Variants in INA observed in about 807,000 individuals in gnomAD.
The protein encoded by INA is internexin neuronal intermediate filament protein alpha.
Under a neutral mutation model 40.1 loss-of-function variants are expected in INA, and 35 were observed. That is an observed-to-expected ratio of 0.87 (90% CI 0.67 to 1.16). The LOEUF (loss-of-function observed/expected upper bound fraction) is 1.16, where lower values mean the gene tolerates loss of function less well. Ranked by LOEUF, INA falls within the 50% of genes most tolerant of loss-of-function variation. The probability of loss-of-function intolerance (pLI) is 0.00; values close to 1 mark genes in which losing one functional copy is unlikely to be tolerated. For synonymous variants in INA, 290 were observed against 316.9 expected, an observed-to-expected ratio of 0.92 and a Z score of 0.90; for missense variants, 594 against 686.7, an observed-to-expected ratio of 0.87 and a Z score of 1.51.
chr10:103,287,753 G>C (rs978827760), intron 2 of INA, among the ~76,000 whole-genome samples: 12 of 147,688 alleles, frequency 8.1e-5, no homozygotes, highest in Admixed American at 4.7e-4. Flanking sequence ...AAAAAAAAAA[G>C]GATAATTAAA....
At chr10:103,285,986 GCCT>G (rs2093085150) in intron 1 of INA, among the ~76,000 whole-genome samples, 1 of 151,914 alleles carries the variant, frequency 6.6e-6, no homozygotes, top group Non-Finnish European at 1.5e-5. Context: ...GAAATAACAA[GCCT>G]GAAGGGCCTG....
In INA at chr10:103,277,736, G is replaced by A. The variant is rs955642421; in HGVS notation, c.525G>A (p.Val175=). The A allele has an allele frequency of 4.2e-6, 6 of 1,417,302 alleles. No individual in the cohort carries two copies. The highest frequency in any genetic ancestry group is 5.5e-6 in the Non-Finnish European group (6 of 1,098,864). The allele number at this position is 1,417,302 out of a possible 1,614,324, so 87.8% of individuals were successfully genotyped here. A position where few individuals can be genotyped will look rare whatever the true frequency, so the allele number is the denominator to read the frequency against. The change falls in exon 1 of 3, where the codon GTG becomes GTA. Residue 175 remains valine, a synonymous_variant. Transcript: ENST00000369849. The surrounding 1 kb of genome is among the most constrained non-coding windows in gnomAD (Gnocchi z 5.6). ...LLERDGLAEE[V]QRLRARCEEE... is the part of the protein sequence containing the mutation. Reference sequence around the variant, plus strand: ...AGCGCGACGGGCTGGCGGAGGAGGTGCAGCGGCTGCGGGCGCGCTGCGAGG... The same window carrying A: ...AGCGCGACGGGCTGGCGGAGGAGGTACAGCGGCTGCGGGCGCGCTGCGAGG...
At chr10:103,283,442 A>G (rs1211006657) in intron 1 of INA, among the ~76,000 whole-genome samples, 2 of 152,162 alleles carry the variant, frequency 1.3e-5, no homozygotes, top group Non-Finnish European at 2.9e-5. Context: ...ATCTCTTAAC[A>G]CACTTTGAAA....
chr10:103,286,648 G>A (rs2093086811), intron 1 of INA, among the ~76,000 whole-genome samples: 1 of 151,460 alleles, frequency 6.6e-6, no homozygotes, highest in Admixed American at 6.6e-5. Flanking sequence ...TGCTACAACA[G>A]AGTTATTTAG....
At chr10:103,284,478 G>A (rs761618513) in intron 1 of INA, among the ~76,000 whole-genome samples, 13 of 152,164 alleles carry the variant, frequency 8.5e-5, no homozygotes, top group Non-Finnish European at 1.5e-4. Flanking sequence ...TGCCGGGGCC[G>A]GACACTGTGA....
At chr10:103,281,437 G>C (rs1486412464) in intron 1 of INA, among the ~76,000 whole-genome samples, 1 of 152,182 alleles carries the variant, frequency 6.6e-6, no homozygotes, top group Admixed American at 6.5e-5. Flanking sequence ...TTCAATAAAA[G>C]TGCTGCATCC....
chr10:103,288,621 C>T lies in INA; in HGVS notation c.1452C>T (p.Thr484=), dbSNP rs190315547. ...AGACAGTAATATCTACTAAGAAAAC[C>T]GAGAAATCAAATATAGAAGAAACCA... The part of the protein sequence containing the change: ...LEETVISTKK[T]EKSNIEETTI... Residue 484 remains threonine, a synonymous_variant, in exon 3 of 3, where the codon ACC becomes ACT. Coordinates refer to ENST00000369849, the MANE Select transcript of INA (RefSeq NM_032727.4). The T allele has an allele frequency of 1.2e-4, 186 of 1,595,340 alleles. 1 individual carries two copies. The highest frequency in any genetic ancestry group is 5.7e-5 in the South Asian group (5 of 87,850).
At position 103,277,231 on chromosome 10, in the gene INA, A is replaced by G; in HGVS notation, c.20A>G (p.His7Arg). Residue 7 changes from histidine (H) to arginine (R), a missense_variant, in exon 1 of 3, where the codon CAC becomes CGC. Physicochemically the swap from His to Arg is conservative, Grantham distance 29. Coordinates refer to ENST00000369849, the MANE Select transcript of INA (RefSeq NM_032727.4). The surrounding 1 kb of genome is among the most constrained non-coding windows in gnomAD (Gnocchi z 5.6). MSFGSE[H>R]YLCSSSSYRK... ...GGCACCATGAGCTTCGGCTCGGAGC[A>G]CTACCTGTGCTCCTCCTCCTCCTAC... The G allele has an allele frequency of 6.3e-7, 1 of 1,586,414 alleles. No homozygotes were observed. The highest frequency in any genetic ancestry group is 8.5e-7 in the Non-Finnish European group (1 of 1,169,902).
chr10:103,288,736 A>G lies in INA; in HGVS notation c.*67A>G, dbSNP rs1322975636. The G allele has an allele frequency of 4.9e-6, 5 of 1,012,302 alleles. No individual in the cohort carries two copies. Among genetic ancestry groups the G allele is most frequent in the Admixed American group, 2.6e-5 (1 of 38,514 alleles). The allele number at this position is 1,012,302 out of a possible 1,614,324, so 62.7% of individuals were successfully genotyped here. On this transcript the variant is annotated 3_prime_UTR_variant, in exon 3 of 3. Coordinates refer to ENST00000369849, the MANE Select transcript of INA (RefSeq NM_032727.4). ...ATGCATTTGACTTGTTAAACAGCCT[A>G]TTCCTGAACTATAACACCTGCCACC...
chr10:103,280,534 G>C, intron 1 of INA: 1 of 985,438 alleles, frequency 1.0e-6, no homozygotes, highest in African/African-American at 1.7e-5. Context: ...TTCTGCTACA[G>C]AGATTAGTGG....
At position 103,278,000 on chromosome 10, in the gene INA, G is replaced by C. The variant is rs375415370; in HGVS notation, c.789G>C (p.Ser263=). Residue 263 remains serine (S), a synonymous_variant, in exon 1 of 3, where the codon TCG becomes TCC. Coordinates refer to ENST00000369849, the MANE Select transcript of INA (RefSeq NM_032727.4). This position sits in a 1 kb window ranked among gnomAD's most constrained non-coding sequence, Gnocchi z 5.6. ...DVTVAKPDLT[S]ALREIRAQYE... ...CTGTGGCTAAACCAGACCTGACCTC[G>C]GCTCTGAGGGAGATCCGCGCCCAGT... 9.9e-5 allele frequency: 159 copies of C among 1,600,706 alleles called. 1 individual carries two copies. The highest frequency in any genetic ancestry group is 1.3e-4 in the Non-Finnish European group (153 of 1,174,410).
In INA at chr10:103,278,457, G is replaced by T. The variant is rs2093066001; in HGVS notation, c.1065+181G>T. Among the ~76,000 whole-genome samples, 1 of 152,162 alleles carries T rather than the reference G, an allele frequency of 6.6e-6. No homozygotes were observed. The highest frequency in any genetic ancestry group is 2.4e-5 in the African/African-American group (1 of 41,430). ...GTCTTTAATGTTAATTTTAGGGAAC[G>T]CCCCTCATTTATGTCCCTGCCCCAG... On this transcript the variant is annotated intron_variant, in intron 1 of 2. Transcript: ENST00000369849. This position sits in a 1 kb window ranked among gnomAD's most constrained non-coding sequence, Gnocchi z 4.9.
At chr10:103,287,254 T>A (rs2093088518) in intron 2 of INA, 95 bp downstream of exon 2, 11 of 1,389,006 alleles carry the variant, frequency 7.9e-6, no homozygotes, top group Non-Finnish European at 1.1e-5. Context: ...TTCTGACTGG[T>A]GAGGGAGGGA....
At chr10:103,279,385 G>A (rs1159941926) in intron 1 of INA, among the ~76,000 whole-genome samples, 1 of 152,090 alleles carries the variant, frequency 6.6e-6, no homozygotes, top group Non-Finnish European at 1.5e-5. Flanking sequence ...TCCTGTGATG[G>A]TATTGATTGG....
rs374156130 is a variant in INA, at chr10:103,288,347, G to A, written c.1191-13G>A. ...ATTGACTTCCTAAGAGTTTTTCTCT[G>A]TTGAATTTACAGGAAACTGCTGGAA... On this transcript the variant is annotated splice_polypyrimidine_tract_variant and intron_variant, in intron 2 of 2. Coordinates refer to ENST00000369849, the MANE Select transcript of INA (RefSeq NM_032727.4). The A allele has an allele frequency of 1.3e-6, 2 of 1,582,670 alleles. No homozygotes were observed. Among genetic ancestry groups the A allele is most frequent in the Non-Finnish European group, 1.7e-6 (2 of 1,168,188 alleles).
At chr10:103,283,560 A>G (rs1211028394) in intron 1 of INA, among the ~76,000 whole-genome samples, 1 of 152,078 alleles carries the variant, frequency 6.6e-6, no homozygotes, top group Non-Finnish European at 1.5e-5. Context: ...TCCTGTCAAT[A>G]TTTATAGAAC....
intron 1 of INA, among the ~76,000 whole-genome samples, chr10:103,286,357 AAAAG>A: frequency 6.6e-6 from 1 of 151,384 alleles, no homozygotes; most frequent in African/African-American, 2.4e-5. Context: ...AAAAAAAAAA[AAAAG>A]AATTCCTTCT....
At chr10:103,287,228 A>G in intron 2 of INA, 69 bp downstream of exon 2, 1 of 1,526,862 alleles carries the variant, frequency 6.5e-7, no homozygotes, top group Non-Finnish European at 8.8e-7. Context: ...AAATAAGTGG[A>G]TCTAGTCTCT....
intron 1 of INA, among the ~76,000 whole-genome samples, chr10:103,282,020 AG>A (rs2093073874): frequency 6.6e-6 from 1 of 152,216 alleles, no homozygotes; most frequent in African/African-American, 2.4e-5. Context: ...CATCTTTGGC[AG>A]GGCTTCTGAA....
Sources: gnomAD v4.1 joint callset for allele counts (sites outside exome capture counted in the v4.1 genomes callset) on GRCh38, gnomAD v4.1.1 for gene constraint, Gnocchi (gnomAD v3.1) non-coding constraint, MANE v1.5 for transcripts, NCBI Gene and HGNC (gene_info 2026-07-23, HGNC 2026-07-21) for gene names.